PTPRD: variants seen among roughly 807,000 people sequenced by gnomAD.
PTPRD encodes protein tyrosine phosphatase receptor type D.
In PTPRD, 34 loss-of-function variants were observed where a neutral mutation model predicts 214.5. The observed-to-expected ratio is 0.16, with a 90% CI of 0.12 to 0.21. The LOEUF is 0.21. PTPRD is among the 10% of genes least tolerant of loss of function. The probability of loss-of-function intolerance (pLI) is 1.00; values close to 1 mark genes in which losing one functional copy is unlikely to be tolerated. For synonymous variants in PTPRD, 1,128 were observed against 845.7 expected (o/e 1.33, Z -5.79); for missense variants, 2,545 against 2,398.7 (o/e 1.06, Z -1.27).
chr9:10,250,872 A>G (rs1340239291), intron 3 of PTPRD, among the ~76,000 whole-genome samples: 1 of 151,900 alleles, frequency 6.6e-6, no homozygotes, highest in Non-Finnish European at 1.5e-5. Flanking sequence ...ATAAATATAT[A>G]TAATTATGAG....
chr9:9,980,851 C>A (rs188666697), intron 4 of PTPRD, among the ~76,000 whole-genome samples: 1 of 96,222 alleles, frequency 1.0e-5, no homozygotes, highest in Non-Finnish European at 2.4e-5. Context: ...TTTAAATGTT[C>A]AAGCTTGTTT....
At chr9:9,263,898 A>G (rs1233516701) in intron 9 of PTPRD, among the ~76,000 whole-genome samples, 1 of 151,582 alleles carries the variant, frequency 6.6e-6, no homozygotes, top group Non-Finnish European at 1.5e-5. Context: ...AAACCTGCAT[A>G]TCAATCCCCT....
chr9:10,426,408 G>T (rs1360903046), intron 2 of PTPRD, among the ~76,000 whole-genome samples: 1 of 151,610 alleles, frequency 6.6e-6, no homozygotes, highest in Non-Finnish European at 1.5e-5. Context: ...ATTTTCGAAG[G>T]ACTTGTATGT....
intron 11 of PTPRD, among the ~76,000 whole-genome samples, chr9:8,852,807 T>C (rs2097845823): frequency 1.3e-5 from 2 of 152,192 alleles, no homozygotes; most frequent in Admixed American, 1.3e-4. Flanking sequence ...TTTCAAAATG[T>C]CATAGGCCAA....
rs565566008 is a variant in PTPRD at position 9,021,547 on chromosome 9, CT to C, written c.-142-2813del. 1.3e-3 allele frequency among the ~76,000 whole-genome samples: 199 copies of C among 152,084 alleles called. 1 individual carries two copies. Among genetic ancestry groups the C allele is most frequent in the African/African-American group, 4.7e-3 (194 of 41,504 alleles). ...ATTATTTTAGAGTGTACTCTTTCTA[CT>C]TAAAAAAAATGTTAACTACAGAATG... On this transcript the variant is annotated intron_variant, in intron 10 of 45. Coordinates refer to ENST00000381196, the MANE Select transcript of PTPRD (RefSeq NM_002839.4).
chr9:10,146,856 G>A (rs2099026237), intron 3 of PTPRD, among the ~76,000 whole-genome samples: 1 of 152,122 alleles, frequency 6.6e-6, no homozygotes, highest in Admixed American at 6.6e-5. Context: ...GCAATACCTT[G>A]AGAAGTTCAG....
chr9:9,254,572 T>G (rs933988255), intron 9 of PTPRD, among the ~76,000 whole-genome samples: 2 of 152,034 alleles, frequency 1.3e-5, no homozygotes, highest in African/African-American at 4.8e-5. Context: ...TATGTGTCAG[T>G]TAATAATATA....
intron 2 of PTPRD, among the ~76,000 whole-genome samples, chr9:10,500,890 T>C (rs1272144553): frequency 6.6e-6 from 1 of 151,934 alleles, no homozygotes; most frequent in African/African-American, 2.4e-5. Flanking sequence ...TCATTTTGAA[T>C]AGTGTTCCCT....
chr9:8,913,657 C>T (rs1260013267), intron 11 of PTPRD, among the ~76,000 whole-genome samples: 1 of 152,110 alleles, frequency 6.6e-6, no homozygotes, highest in African/African-American at 2.4e-5. Context: ...CTTATTAAGG[C>T]AAACTTTCCC....
At chr9:8,446,711 C>T (rs936743431) in intron 34 of PTPRD, among the ~76,000 whole-genome samples, 2 of 152,046 alleles carry the variant, frequency 1.3e-5, no homozygotes, top group African/African-American at 4.8e-5. Context: ...TATTAAAAAG[C>T]CACATTTCAG....
intron 39 of PTPRD, among the ~76,000 whole-genome samples, chr9:8,354,075 A>G: frequency 6.7e-6 from 1 of 149,338 alleles, no homozygotes; most frequent in Non-Finnish European, 1.5e-5. Context: ...CATATTTTTT[A>G]AATATGTCTT....
chr9:9,130,847 C>T (rs141989758), intron 10 of PTPRD, among the ~76,000 whole-genome samples: 23 of 152,156 alleles, frequency 1.5e-4, no homozygotes, highest in Admixed American at 1.0e-3. Context: ...TGGTTAGCAT[C>T]GTATATCAGG....
chr9:8,446,958 G>A (rs946940959), intron 34 of PTPRD, among the ~76,000 whole-genome samples: 3 of 152,190 alleles, frequency 2.0e-5, no homozygotes, highest in Admixed American at 1.3e-4. Context: ...TATGCAGGCT[G>A]AAGCAAATGG....
intron 3 of PTPRD, among the ~76,000 whole-genome samples, chr9:10,068,718 A>G (rs1016913845): frequency 6.6e-6 from 1 of 151,758 alleles, no homozygotes; most frequent in Admixed American, 6.6e-5. Flanking sequence ...CTGAATCAGC[A>G]TTTCTATTTC....
At chr9:8,943,502 G>A (rs1365747456) in intron 11 of PTPRD, among the ~76,000 whole-genome samples, 3 of 151,392 alleles carry the variant, frequency 2.0e-5, no homozygotes, top group Non-Finnish European at 3.0e-5. Context: ...TTTGACAACG[G>A]TGCCAAGAAC....
chr9:9,138,355 A>C (rs1164277648), intron 10 of PTPRD, among the ~76,000 whole-genome samples: 2 of 152,124 alleles, frequency 1.3e-5, no homozygotes, highest in Admixed American at 1.3e-4. Flanking sequence ...TGACACAAAG[A>C]AGTTCTCAAT....
At chr9:9,959,672 C>T (rs2094211063) in intron 4 of PTPRD, among the ~76,000 whole-genome samples, 1 of 152,052 alleles carries the variant, frequency 6.6e-6, no homozygotes, top group South Asian at 2.1e-4. Flanking sequence ...AGGAGGTGCA[C>T]AAAAACAGTG....
intron 14 of PTPRD, among the ~76,000 whole-genome samples, chr9:8,566,524 T>A (rs191850133): frequency 6.6e-6 from 1 of 152,200 alleles, no homozygotes; most frequent in Non-Finnish European, 1.5e-5. Context: ...CTAACAGCAA[T>A]GTTCATTATA....
At chr9:9,908,417 A>G (rs1223622165) in intron 5 of PTPRD, among the ~76,000 whole-genome samples, 2 of 151,844 alleles carry the variant, frequency 1.3e-5, no homozygotes, top group African/African-American at 4.8e-5. Context: ...TAGTCCTTTG[A>G]AAGTACTGGA....
Sources: gnomAD v4.1 joint callset for allele counts (sites outside exome capture counted in the v4.1 genomes callset) on GRCh38, gnomAD v4.1.1 for gene constraint, MANE v1.5 for transcripts, NCBI Gene and HGNC (gene_info 2026-07-23, HGNC 2026-07-21) for gene names.